Variants in ABCA1 observed in about 807,000 individuals in gnomAD.
The protein encoded by ABCA1 is phospholipid-transporting ATPase ABCA1.
In ABCA1, 133 loss-of-function variants were observed where a neutral mutation model predicts 262.5. That is an observed-to-expected ratio of 0.51 (90% CI 0.44 to 0.59). ABCA1 has a LOEUF of 0.59. ABCA1 is among the 20% of genes least tolerant of loss of function. The pLI is 0.00. For synonymous variants in ABCA1, 1,022 were observed against 1,043.5 expected (o/e 0.98, Z 0.40); for missense variants, 2,452 against 2,777.5 (o/e 0.88, Z 2.63).
At chr9:104,924,824 G>A (rs796080650) in intron 1 of ABCA1, among the ~76,000 whole-genome samples, 6 of 152,100 alleles carry the variant, frequency 3.9e-5, no homozygotes, top group African/African-American at 1.2e-4. Context: ...CCCGGCTTAC[G>A]GGAGAGAAGA....
In ABCA1 at chr9:104,825,719, C is replaced by T. The variant is rs1439183015; in HGVS notation, c.2506G>A (p.Gly836Arg). 1 of 1,614,222 alleles carries T rather than the reference C, an allele frequency of 6.2e-7. No individual in the cohort carries two copies. The highest frequency in any genetic ancestry group is 1.3e-5 in the African/African-American group (1 of 75,052). ...SMMLFDTFLY[G>R]VMTWYIEAVF... Reference sequence around the variant, plus strand: ...GCCTCAATGTACCAGGTCATCACCCCATAGAGGAAGGTGTCAAACAGCATC... The same window carrying T: ...GCCTCAATGTACCAGGTCATCACCCTATAGAGGAAGGTGTCAAACAGCATC... Residue 836 changes from glycine (G) to arginine (R), a missense_variant, in exon 17 of 50, where the codon GGG (glycine) becomes AGG (arginine). Physicochemically the swap from Gly to Arg is moderately radical, Grantham distance 125. This residue lies in a region of ABCA1 where 1,032 missense variants were observed against 1,089.7 expected (regional missense o/e 0.95). Transcript: ENST00000374736.
chr9:104,907,700 C>T lies in ABCA1; in HGVS notation c.-92-3929G>A, dbSNP rs147718025. ...GCTTCCCAGGTGACTCCTGGGACATCCTGAAAAACGTAATAGAATCTAAGT... is the reference window on the plus strand; with the variant it reads ...GCTTCCCAGGTGACTCCTGGGACATTCTGAAAAACGTAATAGAATCTAAGT... On this transcript the variant is annotated intron_variant, in intron 1 of 49. Transcript: ENST00000374736. 4.7e-3 allele frequency among the ~76,000 whole-genome samples: 721 copies of T among 152,280 alleles called. 8 individuals carry two copies. The highest frequency in any genetic ancestry group is 0.031 in the Middle Eastern group (9 of 294).
intron 1 of ABCA1, among the ~76,000 whole-genome samples, chr9:104,909,815 G>T (rs561561226): frequency 2.0e-5 from 3 of 152,162 alleles, no homozygotes; most frequent in African/African-American, 7.2e-5. Flanking sequence ...GAAGAAAAGG[G>T]GAGAGAGGAT....
intron 1 of ABCA1, among the ~76,000 whole-genome samples, chr9:104,913,933 C>T (rs1418451571): frequency 6.6e-6 from 1 of 151,312 alleles, no homozygotes; most frequent in Non-Finnish European, 1.5e-5. Context: ...GTAGCTGGGA[C>T]TACCGACAGC....
At position 104,804,645 on chromosome 9, in the gene ABCA1, C is replaced by T; in HGVS notation, c.4540G>A (p.Val1514Met). 1.2e-6 allele frequency: 2 copies of T among 1,614,202 alleles called. No individual in the cohort carries two copies. Among genetic ancestry groups the T allele is most frequent in the African/African-American group, 1.3e-5 (1 of 75,070 alleles). ...NISDYLVKTY[V>M]QIIAKSLKNK... is the part of the protein sequence containing the mutation. ...AGTCACCTTTTGGCTATGATCTGCACATACGTCTTCACCAGATAATCCGAA... is the reference window on the plus strand; with the variant it reads ...AGTCACCTTTTGGCTATGATCTGCATATACGTCTTCACCAGATAATCCGAA... The change falls in exon 32 of 50, where the codon GTG becomes ATG. Residue 1514 changes from valine to methionine, a missense_variant. Around this residue, in one of 4 missense-constraint regions of ABCA1, gnomAD observed 752 missense variants for 944.5 expected, o/e 0.80. Coordinates refer to ENST00000374736, the MANE Select transcript of ABCA1 (RefSeq NM_005502.4).
chr9:104,871,923 G>T (rs1837645945), intron 5 of ABCA1, among the ~76,000 whole-genome samples: 1 of 152,188 alleles, frequency 6.6e-6, no homozygotes, highest in African/African-American at 2.4e-5. Context: ...TCAGCCTGCA[G>T]GGCCCTGAGA....
chr9:104,809,406 T>C (rs1304806993), intron 30 of ABCA1, 60 bp downstream of exon 30: 11 of 1,483,570 alleles, frequency 7.4e-6, no homozygotes, highest in Non-Finnish European at 1.0e-5. Context: ...ATGCAGCATA[T>C]TAGAAATCAA....
intron 43 of ABCA1, 57 bp downstream of exon 43, chr9:104,791,879 G>T: frequency 6.5e-7 from 1 of 1,544,158 alleles, no homozygotes; most frequent in Non-Finnish European, 8.9e-7. Flanking sequence ...TTGCTTGATT[G>T]GGTAGAGATA....
chr9:104,847,977 T>A lies in ABCA1; in HGVS notation c.721-2408A>T, dbSNP rs935524188. Among the ~76,000 whole-genome samples the A allele has an allele frequency of 3.3e-5, 5 of 152,292 alleles. No homozygotes were observed. The East Asian group carries it at 9.7e-4, about 29-fold the overall frequency. ...ATATTAACTGGCCTCAAAGTTGACA[T>A]TTCAGTTGAAAAACCTGAAGGAAAA... On this transcript the variant is annotated intron_variant, in intron 7 of 49. Coordinates refer to ENST00000374736, the MANE Select transcript of ABCA1 (RefSeq NM_005502.4).
At chr9:104,894,278 C>A (rs564074226) in intron 2 of ABCA1, among the ~76,000 whole-genome samples, 16 of 152,184 alleles carry the variant, frequency 1.1e-4, no homozygotes, top group African/African-American at 3.1e-4. Flanking sequence ...TATCTAGGAT[C>A]CTGTAGGGCA....
chr9:104,855,796 C>T (rs768386706), intron 7 of ABCA1: 1 of 1,581,494 alleles, frequency 6.3e-7, no homozygotes, highest in Non-Finnish European at 8.6e-7. Flanking sequence ...CACTGCCATA[C>T]TTTCCCCATG....
chr9:104,912,750 G>A (rs553659448), intron 1 of ABCA1, among the ~76,000 whole-genome samples: 4 of 152,108 alleles, frequency 2.6e-5, no homozygotes, highest in African/African-American at 9.7e-5. Context: ...TGGTCGGGGG[G>A]TATGTAGCAC....
chr9:104,799,758 C>G (rs1020743498), intron 36 of ABCA1, 61 bp downstream of exon 36: 2 of 1,613,774 alleles, frequency 1.2e-6, no homozygotes, highest in Non-Finnish European at 1.7e-6. Flanking sequence ...ACATTTTTCT[C>G]CCCTTCTCCA....
chr9:104,819,869 C>T lies in ABCA1; in HGVS notation c.3103+58G>A. The T allele has an allele frequency of 1.9e-6, 3 of 1,609,084 alleles. No individual in the cohort carries two copies. In the East Asian group the frequency reaches 6.7e-5, roughly 36 times the overall value. ...CTGGGGCAGTGCTGATTTTCCTCCGCATGTGTGTAGCCGGAGGAGGAGGGG... is the reference window on the plus strand; with the variant it reads ...CTGGGGCAGTGCTGATTTTCCTCCGTATGTGTGTAGCCGGAGGAGGAGGGG... On this transcript the variant is annotated intron_variant, in intron 21 of 49. Transcript: ENST00000374736.
intron 7 of ABCA1, among the ~76,000 whole-genome samples, chr9:104,848,945 T>C (rs894224227): frequency 1.3e-5 from 2 of 152,132 alleles, no homozygotes; most frequent in Non-Finnish European, 2.9e-5. Flanking sequence ...AGTCACCAAG[T>C]GCAGATGTTT....
At chr9:104,875,330 C>A (rs1183491078) in intron 5 of ABCA1, among the ~76,000 whole-genome samples, 2 of 127,972 alleles carry the variant, frequency 1.6e-5, no homozygotes, top group East Asian at 2.2e-4. Context: ...CCATCCTGGG[C>A]AACAGAGTGA....
chr9:104,828,710 T>C (rs997749816), intron 15 of ABCA1, among the ~76,000 whole-genome samples: 2 of 152,244 alleles, frequency 1.3e-5, no homozygotes, highest in Non-Finnish European at 2.9e-5. Context: ...ACTTAGCTGC[T>C]ACCCGGCTGG....
At chr9:104,835,562 C>T (rs1030648053) in intron 11 of ABCA1, among the ~76,000 whole-genome samples, 1 of 152,166 alleles carries the variant, frequency 6.6e-6, no homozygotes, top group African/African-American at 2.4e-5. Flanking sequence ...ATTCTTGCCT[C>T]ATCCTTCTTC....
intron 2 of ABCA1, among the ~76,000 whole-genome samples, chr9:104,896,225 A>G (rs946712442): frequency 1.3e-5 from 2 of 152,192 alleles, no homozygotes; most frequent in African/African-American, 2.4e-5. Context: ...GTCTCTGAAA[A>G]CCAGTTAAAT....
Sources: gnomAD v4.1 joint callset for allele counts (sites outside exome capture counted in the v4.1 genomes callset) on GRCh38, gnomAD v4.1.1 for gene constraint, gnomAD v4.1.1 regional missense constraint, MANE v1.5 for transcripts, NCBI Gene and HGNC (gene_info 2026-07-23, HGNC 2026-07-21) for gene names.